The following RBFOX1 variants were observed in gnomAD, a reference collection of about 807,000 sequenced individuals.
RBFOX1 encodes RNA binding protein fox-1 homolog 1.
Under a neutral mutation model 57.7 loss-of-function variants are expected in RBFOX1, and 8 were observed. The observed-to-expected ratio is 0.14, with a 90% CI of 0.08 to 0.25. The LOEUF (loss-of-function observed/expected upper bound fraction) is 0.25. RBFOX1 is among the 10% of genes least tolerant of loss of function. The pLI is 1.00. For synonymous variants in RBFOX1, 326 were observed against 222.4 expected, an observed-to-expected ratio of 1.47 and a Z score of -4.15; for missense variants, 611 against 548.5, an observed-to-expected ratio of 1.11 and a Z score of -1.14.
intron 1 of RBFOX1, among the ~76,000 whole-genome samples, chr16:5,292,770 T>C (rs2063566471): frequency 6.6e-6 from 1 of 152,026 alleles, no homozygotes; most frequent in Non-Finnish European, 1.5e-5. Context: ...CTTACAGGCA[T>C]GTGTCACCAC....
intron 1 of RBFOX1, among the ~76,000 whole-genome samples, chr16:5,290,629 C>T (rs1166718283): frequency 6.6e-6 from 1 of 151,570 alleles, no homozygotes; most frequent in Non-Finnish European, 1.5e-5. Flanking sequence ...GGGATGAGTT[C>T]ACTAGGTGGA....
chr16:6,106,420 C>T (rs112356346), intron 1 of RBFOX1, among the ~76,000 whole-genome samples: 20,687 of 147,006 alleles, frequency 0.14, 1,690 homozygotes, highest in Admixed American at 0.25. Context: ...AAGCCAAGAT[C>T]GTGCCACTGT....
At chr16:6,490,080 C>G (rs1328040082) in intron 2 of RBFOX1, among the ~76,000 whole-genome samples, 2 of 152,170 alleles carry the variant, frequency 1.3e-5, no homozygotes, top group African/African-American at 2.4e-5. Flanking sequence ...TTGATCTCAG[C>G]TAATGCCAGG....
At chr16:7,571,861 G>A (rs1322214440) in intron 5 of RBFOX1, among the ~76,000 whole-genome samples, 1 of 152,192 alleles carries the variant, frequency 6.6e-6, no homozygotes, top group Non-Finnish European at 1.5e-5. Context: ...CGGCGCCGTG[G>A]CTCAGGCCTG....
At chr16:6,987,034 A>G (rs1343130460) in intron 3 of RBFOX1, among the ~76,000 whole-genome samples, 1 of 152,084 alleles carries the variant, frequency 6.6e-6, no homozygotes, top group Non-Finnish European at 1.5e-5. Context: ...AAACTTGCAA[A>G]TAAGGCCTTG....
chr16:7,189,454 C>T (rs995499881), intron 4 of RBFOX1, among the ~76,000 whole-genome samples: 2 of 133,890 alleles, frequency 1.5e-5, no homozygotes, highest in East Asian at 2.9e-4. Flanking sequence ...AAAAAGGAAT[C>T]CTCAATGGAT....
intron 1 of RBFOX1, among the ~76,000 whole-genome samples, chr16:5,309,148 G>T (rs2064016060): frequency 6.6e-6 from 1 of 152,156 alleles, no homozygotes; most frequent in Admixed American, 6.5e-5. Context: ...GCAGATCCCT[G>T]ACTTAAAATT....
Position 6,130,251 on chromosome 16 carries a change from G to A in RBFOX1, c.-127+110259G>A, listed in dbSNP as rs865976538. Among the ~76,000 whole-genome samples the A allele has an allele frequency of 3.3e-5, 5 of 152,154 alleles. No homozygotes were observed. The East Asian group carries it at 5.8e-4, about 18-fold the overall frequency. On this transcript the variant is annotated intron_variant, in intron 1 of 15. Transcript: ENST00000550418. ...CACATGTAAGATTTATGACTACTGT[G>A]CAAATGTATGATGCTGAGTAGGAAA...
chr16:6,529,740 G>T (rs1303666504), intron 2 of RBFOX1, among the ~76,000 whole-genome samples: 6 of 152,070 alleles, frequency 3.9e-5, no homozygotes, highest in Non-Finnish European at 7.4e-5. Context: ...TACGGAAGAA[G>T]GTGTTTAAAG....
chr16:5,444,557 C>T (rs959967630), intron 1 of RBFOX1, among the ~76,000 whole-genome samples: 1 of 152,132 alleles, frequency 6.6e-6, no homozygotes, highest in Non-Finnish European at 1.5e-5. Flanking sequence ...GGCTGTAACC[C>T]GGGGAGGAGA....
intron 1 of RBFOX1, among the ~76,000 whole-genome samples, chr16:6,242,772 G>C (rs749481815): frequency 2.0e-5 from 3 of 151,890 alleles, no homozygotes; most frequent in Non-Finnish European, 4.4e-5. Context: ...TTGCCAGAAG[G>C]CACCCAGATA....
chr16:5,834,714 G>GATAC (rs371545584), intron 3 of RBFOX1, among the ~76,000 whole-genome samples: 1 of 128,164 alleles, frequency 7.8e-6, no homozygotes, highest in Non-Finnish European at 1.7e-5. Flanking sequence ...TAGATAGATA[G>GATAC]ATACATAGAT....
At chr16:7,449,044 G>A (rs867848177) in intron 4 of RBFOX1, among the ~76,000 whole-genome samples, 10 of 136,258 alleles carry the variant, frequency 7.3e-5, no homozygotes, top group South Asian at 2.4e-4. Flanking sequence ...ATTTTTCTGC[G>A]TCAGTCTCCG....
chr16:6,726,799 G>T (rs1033897414), intron 3 of RBFOX1, among the ~76,000 whole-genome samples: 5 of 151,900 alleles, frequency 3.3e-5, no homozygotes, highest in African/African-American at 9.7e-5. Flanking sequence ...CCCTACCAGG[G>T]TACCTAATAT....
At chr16:6,862,710 G>C (rs959248273) in intron 3 of RBFOX1, among the ~76,000 whole-genome samples, 1 of 152,096 alleles carries the variant, frequency 6.6e-6, no homozygotes, top group Non-Finnish European at 1.5e-5. Flanking sequence ...TTTAAGAATT[G>C]TCTGTGGCTC....
At chr16:7,526,441 A>G (rs976528147) in intron 5 of RBFOX1, among the ~76,000 whole-genome samples, 4 of 152,204 alleles carry the variant, frequency 2.6e-5, no homozygotes, top group African/African-American at 9.6e-5. Context: ...CAAGCTGACC[A>G]TTGAACCTCT....
chr16:7,605,902 C>T (rs1002117453), intron 9 of RBFOX1, among the ~76,000 whole-genome samples: 1 of 151,914 alleles, frequency 6.6e-6, no homozygotes, highest in African/African-American at 2.4e-5. Context: ...ACAGTGGCAC[C>T]ATCTTGGCTC....
intron 4 of RBFOX1, among the ~76,000 whole-genome samples, chr16:7,404,028 CTTTTATTTTA>C (rs57717446): frequency 0.011 from 1,459 of 129,990 alleles, 24 homozygotes; most frequent in African/African-American, 0.038. Flanking sequence ...ATTTCATTTC[CTTTTATTTTA>C]TTTTATTTTA....
chr16:5,854,781 GT>G (rs1388418333), intron 3 of RBFOX1, among the ~76,000 whole-genome samples: 6 of 151,506 alleles, frequency 4.0e-5, no homozygotes, highest in African/African-American at 9.7e-5. Flanking sequence ...GATAGTTCTA[GT>G]TTTTTTTTGG....
Sources: gnomAD v4.1 joint callset for allele counts (sites outside exome capture counted in the v4.1 genomes callset) on GRCh38, gnomAD v4.1.1 for gene constraint, MANE v1.5 for transcripts, NCBI Gene and HGNC (gene_info 2026-07-23, HGNC 2026-07-21) for gene names.